Variants in GALR1 observed in about 807,000 individuals in gnomAD.
The protein encoded by GALR1 is galanin receptor type 1.
Under a neutral mutation model 17.9 loss-of-function variants are expected in GALR1, and 11 were observed. The ratio of observed to expected loss-of-function variants is 0.62; its 90% confidence interval spans 0.39 to 1.02. The LOEUF (loss-of-function observed/expected upper bound fraction) is 1.02, where lower values mean the gene tolerates loss of function less well. GALR1 is among the 50% of genes least tolerant of loss of function. The pLI is 0.01. For missense variants in GALR1, 441 were observed against 456.9 expected (o/e 0.97, Z 0.32); for synonymous variants, 206 against 205.7 (o/e 1.00, Z -0.01).
At position 77,271,966 on chromosome 18, in the gene GALR1, C is replaced by T. The variant is rs1157317920; in HGVS notation, c.*3064C>T. On this transcript the variant is annotated 3_prime_UTR_variant, in exon 3 of 3. Transcript: ENST00000299727. ...GTGCTCTTCTGACCGGGTATGTACT[C>T]AGCAACATGGGGGACTGAGGCCATT... The T allele has an allele frequency of 6.6e-6, 1 of 151,562 alleles. No individual in the cohort carries two copies. Among genetic ancestry groups the T allele is most frequent in the Non-Finnish European group, 1.5e-5 (1 of 67,580 alleles). 9.4% of individuals were successfully genotyped at this position (151,562 alleles called of 1,614,324 possible).
intron 2 of GALR1, among the ~76,000 whole-genome samples, chr18:77,268,235 A>G (rs540115617): frequency 2.5e-4 from 38 of 152,150 alleles, no homozygotes; most frequent in Admixed American, 1.9e-3. Context: ...ATGCTTGAAC[A>G]GTTTTGCTAG....
In GALR1 at chr18:77,271,969, C is replaced by T. The variant is rs534987245; in HGVS notation, c.*3067C>T. 6.6e-6 allele frequency: 1 copy of T among 151,406 alleles called. No homozygotes were observed. The highest frequency in any genetic ancestry group is 1.5e-5 in the Non-Finnish European group (1 of 67,406). The allele number at this position is 151,406 out of a possible 1,614,324, so 9.4% of individuals were successfully genotyped here. A position where few individuals can be genotyped will look rare whatever the true frequency, so the allele number is the denominator to read the frequency against. On this transcript the variant is annotated 3_prime_UTR_variant, in exon 3 of 3. Transcript: ENST00000299727. Reference sequence around the variant, plus strand: ...CTCTTCTGACCGGGTATGTACTCAGCAACATGGGGGACTGAGGCCATTTTC... The same window carrying T: ...CTCTTCTGACCGGGTATGTACTCAGTAACATGGGGGACTGAGGCCATTTTC...
chr18:77,258,493 T>C (rs903179759), intron 2 of GALR1, among the ~76,000 whole-genome samples: 15 of 108,904 alleles, frequency 1.4e-4, no homozygotes, highest in African/African-American at 5.2e-4. Context: ...TGGTGGTGGG[T>C]GGTAGTGGTG....
intron 2 of GALR1, among the ~76,000 whole-genome samples, chr18:77,263,212 A>T (rs936702464): frequency 6.6e-6 from 1 of 152,196 alleles, no homozygotes; most frequent in Non-Finnish European, 1.5e-5. Flanking sequence ...TTTTGATTAA[A>T]TCATCTGAGA....
chr18:77,263,996 T>G (rs1385237499), intron 2 of GALR1, among the ~76,000 whole-genome samples: 1 of 151,682 alleles, frequency 6.6e-6, no homozygotes, highest in African/African-American at 2.4e-5. Context: ...TTAGCCAGCG[T>G]GGTGGCACAC....
At chr18:77,252,722 C>A (rs1345565034) in intron 1 of GALR1, among the ~76,000 whole-genome samples, 3 of 151,858 alleles carry the variant, frequency 2.0e-5, no homozygotes, top group African/African-American at 7.3e-5. Context: ...GTGGCGGGCC[C>A]CTGTAGTCCC....
intron 2 of GALR1, among the ~76,000 whole-genome samples, chr18:77,256,849 C>T (rs1390924898): frequency 1.3e-5 from 2 of 152,148 alleles, no homozygotes; most frequent in Non-Finnish European, 2.9e-5. Context: ...CAGCATCTAA[C>T]TTATTGATGG....
Position 77,250,574 on chromosome 18 carries a change from G to C in GALR1, c.26G>C (p.Ser9Thr). The C allele has an allele frequency of 6.5e-7, 1 of 1,538,838 alleles. No homozygotes were observed. Among genetic ancestry groups the C allele is most frequent in the East Asian group, 2.4e-5 (1 of 40,988 alleles). Residue 9 changes from serine to threonine, a missense_variant, in exon 1 of 3, where the codon AGC becomes ACC. By Grantham distance (58) the Ser-to-Thr change is moderately conservative. Coordinates refer to ENST00000299727, the MANE Select transcript of GALR1 (RefSeq NM_001480.4). ...ATGGAGCTGGCGGTCGGGAACCTCA[G>C]CGAGGGCAACGCGAGCTGGCCGGAG... MELAVGNL[S>T]EGNASWPEPP...
rs1000085508 is a variant in GALR1 at position 77,272,351 on chromosome 18, G to A, written c.*3449G>A. 1 of 152,246 alleles carries A rather than the reference G, an allele frequency of 6.6e-6. No homozygotes were observed. Among genetic ancestry groups the A allele is most frequent in the African/African-American group, 2.4e-5 (1 of 41,474 alleles). The allele number at this position is 152,246 out of a possible 1,614,324, so 9.4% of individuals were successfully genotyped here. On this transcript the variant is annotated 3_prime_UTR_variant, in exon 3 of 3. Coordinates refer to ENST00000299727, the MANE Select transcript of GALR1 (RefSeq NM_001480.4). ...TTAACTGAGACCCAAGATCTCAGCA[G>A]GAGAGGACAGCTTATCCAAGCATCC...
At chr18:77,268,358 A>G (rs1332555112) in intron 2 of GALR1, among the ~76,000 whole-genome samples, 1 of 152,214 alleles carries the variant, frequency 6.6e-6, no homozygotes, top group Non-Finnish European at 1.5e-5. Flanking sequence ...AGGTAATGAC[A>G]GGTCTTGGAA....
intron 2 of GALR1, among the ~76,000 whole-genome samples, chr18:77,260,057 A>C (rs1305404700): frequency 6.6e-6 from 1 of 152,068 alleles, no homozygotes; most frequent in Admixed American, 6.5e-5. Context: ...TGTATAAGTA[A>C]AGTTCCCTTT....
chr18:77,259,602 T>C (rs1164930973), intron 2 of GALR1, among the ~76,000 whole-genome samples: 1 of 150,084 alleles, frequency 6.7e-6, no homozygotes, highest in Non-Finnish European at 1.5e-5. Flanking sequence ...GCGATTGTGA[T>C]GGTGATGGTG....
rs1259588557 is a variant in GALR1, at chr18:77,276,164, T to G, written c.*7262T>G. 3 of 152,340 alleles carry G rather than the reference T, an allele frequency of 2.0e-5. No individual in the cohort carries two copies. The highest frequency in any genetic ancestry group is 2.0e-4 in the Admixed American group (3 of 15,300). 9.4% of individuals were successfully genotyped at this position (152,340 alleles called of 1,614,324 possible). On this transcript the variant is annotated 3_prime_UTR_variant, in exon 3 of 3. Coordinates refer to ENST00000299727, the MANE Select transcript of GALR1 (RefSeq NM_001480.4). Reference sequence around the variant, plus strand: ...TAGCACAAAATTTGACAATGAGGTATAGAAATCCAAAATTTTCTTGGGTAC... The same window carrying G: ...TAGCACAAAATTTGACAATGAGGTAGAGAAATCCAAAATTTTCTTGGGTAC...
chr18:77,266,890 G>A (rs543757600), intron 2 of GALR1, among the ~76,000 whole-genome samples: 1 of 152,214 alleles, frequency 6.6e-6, no homozygotes, highest in Admixed American at 6.5e-5. Context: ...TGAGAGCTGG[G>A]TGGGGTCACA....
rs143030572 is a variant in GALR1, at chr18:77,266,200, C to G, written c.733-2385C>G. Among the ~76,000 whole-genome samples, 1,169 of 152,328 alleles carry G rather than the reference C, an allele frequency of 7.7e-3. 8 individuals carry two copies. Among genetic ancestry groups the G allele is most frequent in the Non-Finnish European group, 0.012 (812 of 68,038 alleles). ...AGGGCAAGGGCAAAATGCCACCAGT[C>G]TCTTTGCTAAAGCATAGCAAGAGTG... On this transcript the variant is annotated intron_variant, in intron 2 of 2. Transcript: ENST00000299727.
At chr18:77,258,994 G>A (rs1171165952) in intron 2 of GALR1, among the ~76,000 whole-genome samples, 14 of 107,714 alleles carry the variant, frequency 1.3e-4, no homozygotes, top group African/African-American at 4.2e-4. Flanking sequence ...GTGGATGGTG[G>A]TGGTGGTCAC....
rs570919150 is a variant in GALR1, at chr18:77,267,443, C to T, written c.733-1142C>T. On this transcript the variant is annotated intron_variant, in intron 2 of 2. Transcript: ENST00000299727. The stretch of plus-strand genomic sequence containing the variant: ...CTCATCTACAACCTGTGGGTCATGA[C>T]AGCATCTGCTTCATAGAGTCGTAAA... 3.3e-5 allele frequency among the ~76,000 whole-genome samples: 5 copies of T among 152,208 alleles called. No individual in the cohort carries two copies. The South Asian group carries it at 1.0e-3, about 31-fold the overall frequency.
chr18:77,276,500 G>A lies in GALR1; in HGVS notation c.*7598G>A, dbSNP rs1461341660. ...ATCAAGCATCAGAATCACCTGCAGA[G>A]CTTGTTGAATGCAGATTGTTGGCCA... is the stretch of plus-strand genomic sequence containing the variant. On this transcript the variant is annotated 3_prime_UTR_variant, in exon 3 of 3. Coordinates refer to ENST00000299727, the MANE Select transcript of GALR1 (RefSeq NM_001480.4). 6.6e-6 allele frequency: 1 copy of A among 152,198 alleles called. No individual in the cohort carries two copies. Among genetic ancestry groups the A allele is most frequent in the Non-Finnish European group, 1.5e-5 (1 of 68,034 alleles). The allele number at this position is 152,198 out of a possible 1,614,324, so 9.4% of individuals were successfully genotyped here. A position where few individuals can be genotyped will look rare whatever the true frequency, so the allele number is the denominator to read the frequency against.
rs115997398 is a variant in GALR1, at chr18:77,272,131, C to A, written c.*3229C>A. On this transcript the variant is annotated 3_prime_UTR_variant, in exon 3 of 3. Transcript: ENST00000299727. ...TCCTAACTCACTTCTATCCAGATTT[C>A]CTCTCGATAATATTTACCACAGATA... 1.7e-3 allele frequency: 254 copies of A among 152,306 alleles called. No individual in the cohort carries two copies. The highest frequency in any genetic ancestry group is 5.9e-3 in the African/African-American group (245 of 41,550). 9.4% of individuals were successfully genotyped at this position (152,306 alleles called of 1,614,324 possible).
Sources: gnomAD v4.1 joint callset for allele counts (sites outside exome capture counted in the v4.1 genomes callset) on GRCh38, gnomAD v4.1.1 for gene constraint, MANE v1.5 for transcripts, NCBI Gene and HGNC (gene_info 2026-07-23, HGNC 2026-07-21) for gene names.